Variants in PLCE1 observed in about 807,000 individuals in gnomAD.
The protein encoded by PLCE1 is 1-phosphatidylinositol 4,5-bisphosphate phosphodiesterase epsilon-1.
PLCE1 carries 119 observed loss-of-function variants against 242.8 expected under a neutral mutation model. That is an observed-to-expected ratio of 0.49 (90% confidence interval 0.42 to 0.57). The LOEUF is 0.57. Ranked by LOEUF, PLCE1 falls within the 20% of genes least tolerant of loss-of-function variation. The probability of loss-of-function intolerance (pLI) is 0.00; values close to 1 mark genes in which losing one functional copy is unlikely to be tolerated. For missense variants in PLCE1, 2,441 were observed against 2,788.8 expected, an observed-to-expected ratio of 0.88 and a Z score of 2.81; for synonymous variants, 945 against 1,017.4, an observed-to-expected ratio of 0.93 and a Z score of 1.35.
rs546193411 is a variant in PLCE1 at position 94,195,186 on chromosome 10, G to A, written c.1809+23690G>A. Among the ~76,000 whole-genome samples, 3 of 152,186 alleles carry A rather than the reference G, an allele frequency of 2.0e-5. No homozygotes were observed. In the East Asian group the frequency reaches 5.8e-4, roughly 29 times the overall value. ...TAGCATGAATAAAACCATTTATAAC[G>A]CTGAATATATACTTCAGAAACATAG... On this transcript the variant is annotated intron_variant, in intron 4 of 32. Coordinates refer to ENST00000371380, the MANE Select transcript of PLCE1 (RefSeq NM_016341.4).
intron 11 of PLCE1, among the ~76,000 whole-genome samples, chr10:94,256,323 C>CAAAAAAAAAAAA (rs1316929334): frequency 3.6e-5 from 2 of 56,112 alleles, no homozygotes; most frequent in African/African-American, 1.4e-4. Flanking sequence ...GAGCTTGTCT[C>CAAAAAAAAAAAA]AAAAAAAAAA....
chr10:94,022,222 C>T (rs982571302), intron 1 of PLCE1, among the ~76,000 whole-genome samples: 2 of 151,800 alleles, frequency 1.3e-5, no homozygotes, highest in Non-Finnish European at 2.9e-5. Flanking sequence ...CTATAAATAA[C>T]AATTGTATTT....
At chr10:94,179,122 G>T (rs1250853248) in intron 4 of PLCE1, among the ~76,000 whole-genome samples, 1 of 152,076 alleles carries the variant, frequency 6.6e-6, no homozygotes, top group Admixed American at 6.5e-5. Flanking sequence ...TTCTTTCCCT[G>T]GAACATTTCA....
chr10:94,272,651 T>G (rs2051790583), intron 18 of PLCE1, among the ~76,000 whole-genome samples: 1 of 152,174 alleles, frequency 6.6e-6, no homozygotes, highest in African/African-American at 2.4e-5. Flanking sequence ...CTTCACAATT[T>G]ATGTTCCTCT....
chr10:94,221,115 C>T (rs1483884117), intron 4 of PLCE1, among the ~76,000 whole-genome samples: 1 of 152,230 alleles, frequency 6.6e-6, no homozygotes, highest in African/African-American at 2.4e-5. Context: ...AGTTCTCAAA[C>T]TCCAGCGCAT....
intron 9 of PLCE1, among the ~76,000 whole-genome samples, chr10:94,253,555 A>G (rs916167460): frequency 1.3e-5 from 2 of 151,986 alleles, no homozygotes; most frequent in African/African-American, 4.8e-5. Context: ...GGGTCTCACT[A>G]TGTTGCCCAG....
chr10:94,112,721 G>C (rs143122571), intron 2 of PLCE1, among the ~76,000 whole-genome samples: 1 of 152,270 alleles, frequency 6.6e-6, no homozygotes, highest in East Asian at 1.9e-4. Flanking sequence ...TGACTCTAAG[G>C]TGCAGCCAGT....
At chr10:94,250,486 G>C (rs2050838119) in intron 8 of PLCE1, among the ~76,000 whole-genome samples, 1 of 152,136 alleles carries the variant, frequency 6.6e-6, no homozygotes, top group South Asian at 2.1e-4. Flanking sequence ...GGGCGACAGA[G>C]GGAGACTCCA....
At chr10:94,245,009 G>T (rs938912669) in intron 7 of PLCE1, among the ~76,000 whole-genome samples, 12 of 152,062 alleles carry the variant, frequency 7.9e-5, no homozygotes, top group Admixed American at 2.6e-4. Flanking sequence ...TTTAACAGAG[G>T]TACTTCTCAA....
intron 1 of PLCE1, among the ~76,000 whole-genome samples, chr10:94,020,686 G>A (rs1174228109): frequency 2.0e-5 from 3 of 151,954 alleles, no homozygotes; most frequent in Non-Finnish European, 4.4e-5. Flanking sequence ...TTTTCATGCA[G>A]AAGTTTTGTT....
At chr10:94,129,245 GA>G (rs2046523979) in intron 2 of PLCE1, among the ~76,000 whole-genome samples, 2 of 152,214 alleles carry the variant, frequency 1.3e-5, no homozygotes, top group Non-Finnish European at 2.9e-5. Context: ...AAAGAAATGG[GA>G]ATAAGAAAAG....
Position 94,171,306 on chromosome 10 carries a change from T to A in PLCE1, c.1619T>A (p.Met540Lys). 6.2e-7 allele frequency: 1 copy of A among 1,614,178 alleles called. No individual in the cohort carries two copies. Among genetic ancestry groups the A allele is most frequent in the Non-Finnish European group, 8.5e-7 (1 of 1,180,018 alleles). The change falls in exon 4 of 33, where the codon ATG (methionine) becomes AAG (lysine). Residue 540 changes from methionine (M) to lysine (K), a missense_variant. By Grantham distance (95) the Met-to-Lys change is moderately conservative (BLOSUM62 -1). Around this residue, in one of 5 missense-constraint regions of PLCE1, gnomAD observed 733 missense variants for 754.2 expected, o/e 0.97. Coordinates refer to ENST00000371380, the MANE Select transcript of PLCE1 (RefSeq NM_016341.4). ...CCAGAGGAAGTCGCCAGCATCCTGA[T>A]GGAGCAAGAGCAGACTATTTACCGC... ...QFPEEVASIL[M>K]EQEQTIYRRV...
intron 2 of PLCE1, among the ~76,000 whole-genome samples, chr10:94,124,778 A>T (rs1196905917): frequency 1.3e-5 from 2 of 152,232 alleles, no homozygotes; most frequent in Non-Finnish European, 2.9e-5. Flanking sequence ...AAAAATTAGT[A>T]GAGAGAATAG....
At chr10:94,064,050 G>A (rs2044133443) in intron 2 of PLCE1, among the ~76,000 whole-genome samples, 1 of 152,040 alleles carries the variant, frequency 6.6e-6, no homozygotes, top group African/African-American at 2.4e-5. Context: ...AGGTCTAGGG[G>A]CTTCAGCACT....
intron 27 of PLCE1, among the ~76,000 whole-genome samples, chr10:94,310,037 T>A (rs2053336944): frequency 6.6e-6 from 1 of 152,202 alleles, no homozygotes; most frequent in African/African-American, 2.4e-5. Flanking sequence ...AAAAAGGTAT[T>A]TTTAAAACAA....
At chr10:94,081,513 A>G (rs963264133) in intron 2 of PLCE1, among the ~76,000 whole-genome samples, 2 of 152,206 alleles carry the variant, frequency 1.3e-5, no homozygotes, top group South Asian at 4.1e-4. Flanking sequence ...TTAGGTAGAA[A>G]TCTATTTTAA....
At chr10:94,179,560 A>ACAG (rs1293556961) in intron 4 of PLCE1, among the ~76,000 whole-genome samples, 1 of 113,310 alleles carries the variant, frequency 8.8e-6, no homozygotes, top group African/African-American at 3.2e-5. Flanking sequence ...AGGCTGGAGT[A>ACAG]CAGTGGCTGA....
At chr10:94,290,367 C>T (rs922866983) in intron 22 of PLCE1, among the ~76,000 whole-genome samples, 2 of 150,992 alleles carry the variant, frequency 1.3e-5, no homozygotes, top group Non-Finnish European at 3.0e-5. Context: ...GTGACTCCAG[C>T]CAAAGACATT....
chr10:94,284,970 G>A lies in PLCE1; in HGVS notation c.5035+5G>A, dbSNP rs1363766249. ...GTCAAGCAGTAAAATTTCCAGGTAAGATTAGGCAATATCATCTATAACTTT... is the reference window on the plus strand; with the variant it reads ...GTCAAGCAGTAAAATTTCCAGGTAAAATTAGGCAATATCATCTATAACTTT... On this transcript the variant is annotated splice_donor_5th_base_variant and intron_variant, in intron 22 of 32. Coordinates refer to ENST00000371380, the MANE Select transcript of PLCE1 (RefSeq NM_016341.4). 26 of 1,462,182 alleles carry A rather than the reference G, an allele frequency of 1.8e-5. No individual in the cohort carries two copies. The highest frequency in any genetic ancestry group is 2.2e-5 in the Non-Finnish European group (23 of 1,042,010). The allele number at this position is 1,462,182 out of a possible 1,614,324, so 90.6% of individuals were successfully genotyped here. A position where few individuals can be genotyped will look rare whatever the true frequency, so the allele number is the denominator to read the frequency against.
Sources: allele counts gnomAD v4.1 joint callset (sites outside exome capture counted in the v4.1 genomes callset), GRCh38; gene constraint gnomAD v4.1.1; regional missense constraint gnomAD v4.1.1; transcripts MANE v1.5; gene names NCBI Gene and HGNC (gene_info 2026-07-23, HGNC 2026-07-21).